CLN8: variants seen among roughly 807,000 people sequenced by gnomAD.
CLN8 encodes the protein protein CLN8.
A neutral mutation model predicts 15.7 loss-of-function variants in CLN8; 14 were observed. The ratio of observed to expected loss-of-function variants is 0.89; its 90% CI spans 0.59 to 1.39. The LOEUF is 1.39. Among genes scored for constraint, CLN8 ranks in the 40% most tolerant of loss-of-function variants. The pLI, the probability that CLN8 is intolerant of heterozygous loss-of-function variation, is 0.00. For missense variants in CLN8, 415 were observed against 364.0 expected, an observed-to-expected ratio of 1.14 and a Z score of -1.14; for synonymous variants, 188 against 151.0, an observed-to-expected ratio of 1.25 and a Z score of -1.80.
chr8:1,783,801 G>A lies in CLN8; in HGVS notation c.*3234G>A, dbSNP rs149877204. On this transcript the variant is annotated 3_prime_UTR_variant, in exon 3 of 3. Coordinates refer to ENST00000331222, the MANE Select transcript of CLN8 (RefSeq NM_018941.4). ...GGGCACTGTTGATTCCACTTCTGTC[G>A]AGGAGCTTCGGGGCTCAGAGAGGTG... is the stretch of plus-strand genomic sequence containing the variant. The A allele has an allele frequency of 6.9e-3, 1,052 of 152,306 alleles. 4 individuals are homozygous for A. The highest frequency in any genetic ancestry group is 0.011 in the Non-Finnish European group (765 of 68,030). The allele number at this position is 152,306 out of a possible 1,614,324, so 9.4% of individuals were successfully genotyped here. A position where few individuals can be genotyped will look rare whatever the true frequency, so the allele number is the denominator to read the frequency against.
At chr8:1,772,775 C>T in intron 2 of CLN8, 1 of 372,542 alleles carries the variant, frequency 2.7e-6, no homozygotes, top group Admixed American at 4.6e-5. Context: ...CCACCGTGCA[C>T]AGCCTTAAAA....
chr8:1,780,489 G>A lies in CLN8; in HGVS notation c.783G>A (p.Val261=). 6.2e-7 allele frequency: 1 copy of A among 1,614,212 alleles called. No homozygotes were observed. The highest frequency in any genetic ancestry group is 1.1e-5 in the South Asian group (1 of 91,088). Residue 261 remains valine, a synonymous_variant, in exon 3 of 3, where the codon GTG becomes GTA. Transcript: ENST00000331222. The part of the protein sequence containing the change: ...HKKTQQLLNP[V]DWNFAQPEAK... ...AGACTCAGCAGCTTCTCAATCCGGTGGACTGGAACTTCGCACAGCCAGAAG... is the reference window on the plus strand; with the variant it reads ...AGACTCAGCAGCTTCTCAATCCGGTAGACTGGAACTTCGCACAGCCAGAAG...
upstream of CLN8, chr8:1,762,262 C>T (rs773682545): frequency 6.6e-6 from 1 of 152,248 alleles, no homozygotes; most frequent in African/African-American, 2.4e-5. Context: ...TCTCAGCTCA[C>T]TGCAACCTCT....
chr8:1,754,629 G>A (rs116220685), upstream of CLN8, among the ~76,000 whole-genome samples: 921 of 152,292 alleles, frequency 6.0e-3, 11 homozygotes, highest in African/African-American at 0.021. Flanking sequence ...ATCTAAAGCT[G>A]CTGTCGAACA....
chr8:1,766,000 G>A (rs1801037836), intron 1 of CLN8, among the ~76,000 whole-genome samples: 1 of 152,290 alleles, frequency 6.6e-6, no homozygotes, highest in East Asian at 1.9e-4. Flanking sequence ...ATCCATAGCA[G>A]TTTAGCCCCC....
intron 1 of CLN8, among the ~76,000 whole-genome samples, chr8:1,757,745 T>A (rs1273960464): frequency 6.6e-6 from 1 of 152,176 alleles, no homozygotes; most frequent in Non-Finnish European, 1.5e-5. Context: ...TTTTAAAGGC[T>A]GGTTGTTATG....
Position 1,780,809 on chromosome 8 carries a change from C to T in CLN8, c.*242C>T. 1 of 573,730 alleles carries T rather than the reference C, an allele frequency of 1.7e-6. No homozygotes were observed. Among genetic ancestry groups the T allele is most frequent in the Non-Finnish European group, 3.1e-6 (1 of 323,924 alleles). 35.5% of individuals were successfully genotyped at this position (573,730 alleles called of 1,614,324 possible). ...TTTAGCCGCGCCGGACCGTGTCAAG[C>T]ATCTAGGAGAGGAGTCCATGGTGTC... On this transcript the variant is annotated 3_prime_UTR_variant, in exon 3 of 3. Coordinates refer to ENST00000331222, the MANE Select transcript of CLN8 (RefSeq NM_018941.4).
intron 1 of CLN8, among the ~76,000 whole-genome samples, chr8:1,767,568 T>TTG (rs1268546675): frequency 7.7e-6 from 1 of 129,780 alleles, no homozygotes; most frequent in East Asian, 2.3e-4. Flanking sequence ...TTTCTTTCTT[T>TTG]TTTTTTTTTT....
At chr8:1,773,057 C>A in intron 2 of CLN8, 1 of 397,760 alleles carries the variant, frequency 2.5e-6, no homozygotes, top group Middle Eastern at 6.3e-4. Flanking sequence ...TGCATAACCA[C>A]CATGGACACC....
rs1401234903 is a variant in CLN8 at position 1,785,131 on chromosome 8, G to C, written c.*4564G>C. ...TGTGCTCACGCAGACAGAAGCGGAG[G>C]GGCTCCGTCGCTCTGCCCTCACGCC... On this transcript the variant is annotated 3_prime_UTR_variant, in exon 3 of 3. Coordinates refer to ENST00000331222, the MANE Select transcript of CLN8 (RefSeq NM_018941.4). 1 of 158,602 alleles carries C rather than the reference G, an allele frequency of 6.3e-6. No homozygotes were observed. Among genetic ancestry groups the C allele is most frequent in the African/African-American group, 2.4e-5 (1 of 41,550 alleles). 9.8% of individuals were successfully genotyped at this position (158,602 alleles called of 1,614,324 possible).
upstream of CLN8, among the ~76,000 whole-genome samples, chr8:1,753,084 C>T (rs7818406): frequency 0.73 from 111,299 of 152,086 alleles, 41,027 homozygotes; most frequent in South Asian, 0.78. Flanking sequence ...CTGAGTTAGA[C>T]GGTGGCAGCC....
intron 1 of CLN8, among the ~76,000 whole-genome samples, chr8:1,766,028 A>G (rs961343084): frequency 2.0e-5 from 3 of 152,178 alleles, no homozygotes; most frequent in African/African-American, 7.2e-5. Context: ...GGAGGAGCGC[A>G]TAGATGCATG....
chr8:1,772,266 T>C (rs369049924), intron 2 of CLN8, among the ~76,000 whole-genome samples: 44 of 152,232 alleles, frequency 2.9e-4, no homozygotes, highest in African/African-American at 8.9e-4. Context: ...ACTGAAGTAA[T>C]ATCTGTGCGT....
intron 2 of CLN8, among the ~76,000 whole-genome samples, chr8:1,774,204 T>C (rs1160375379): frequency 1.3e-5 from 2 of 152,190 alleles, no homozygotes; most frequent in Admixed American, 1.3e-4. Flanking sequence ...CTCAGCGAGA[T>C]TTTATTTTGA....
At chr8:1,777,985 C>T (rs779114827) in intron 2 of CLN8, among the ~76,000 whole-genome samples, 2 of 152,230 alleles carry the variant, frequency 1.3e-5, no homozygotes, top group Non-Finnish European at 1.5e-5. Context: ...GAAATAAAGG[C>T]GCTGAGCCCT....
At chr8:1,779,181 T>C (rs952823810) in intron 2 of CLN8, among the ~76,000 whole-genome samples, 4 of 152,216 alleles carry the variant, frequency 2.6e-5, no homozygotes, top group African/African-American at 9.6e-5. Context: ...GGACTGTCTA[T>C]AACAGCTAAT....
upstream of CLN8, among the ~76,000 whole-genome samples, chr8:1,755,026 T>C (rs1308274046): frequency 1.3e-5 from 2 of 152,136 alleles, no homozygotes; most frequent in Admixed American, 6.5e-5. Flanking sequence ...TCCGAGCCAA[T>C]GAGATCTGCT....
At chr8:1,757,933 T>C (rs890404012) in intron 1 of CLN8, among the ~76,000 whole-genome samples, 1 of 152,160 alleles carries the variant, frequency 6.6e-6, no homozygotes, top group Non-Finnish European at 1.5e-5. Context: ...CGTCTAGCTT[T>C]CATGTTGGAG....
chr8:1,758,181 A>G (rs1353652862), intron 1 of CLN8: 1 of 152,226 alleles, frequency 6.6e-6, no homozygotes, highest in Non-Finnish European at 1.5e-5. Context: ...AGAAATGGAC[A>G]CAGTGAATGC....
Sources: allele counts gnomAD v4.1 joint callset (sites outside exome capture counted in the v4.1 genomes callset), GRCh38; gene constraint gnomAD v4.1.1; transcripts MANE v1.5; gene names NCBI Gene and HGNC (gene_info 2026-07-23, HGNC 2026-07-21).